The following RIMBP2 variants were observed in gnomAD, a reference collection of about 807,000 sequenced individuals.
RIMBP2 encodes RIMS binding protein 2.
A neutral mutation model predicts 118.6 loss-of-function variants in RIMBP2; 48 were observed. The ratio of observed to expected loss-of-function variants is 0.40; its 90% CI spans 0.32 to 0.51. RIMBP2 has a LOEUF of 0.51. RIMBP2 is among the 20% of genes least tolerant of loss of function. The pLI is 0.41. For missense variants in RIMBP2, 1,551 were observed against 1,768.3 expected (o/e 0.88, Z 2.20); for synonymous variants, 762 against 742.9 (o/e 1.03, Z -0.42).
intron 2 of RIMBP2, among the ~76,000 whole-genome samples, chr12:130,563,978 C>T (rs1355778084): frequency 1.4e-5 from 2 of 141,288 alleles, no homozygotes; most frequent in African/African-American, 5.5e-5. Flanking sequence ...CCCTCGCTCA[C>T]TCCATCTCTA....
chr12:130,709,731 C>G (rs1052940245), intron 1 of RIMBP2, among the ~76,000 whole-genome samples: 15 of 152,218 alleles, frequency 9.9e-5, no homozygotes, highest in African/African-American at 3.4e-4. Flanking sequence ...GAAACCCCCC[C>G]CCTTCCCACC....
In RIMBP2 at chr12:130,397,270, G is replaced by A. The variant is rs1217452565; in HGVS notation, c.*91C>T. ...CTACTGGTGTCAGGGGAGAAGATTGGGTTTTTTTAGGAAGTACTTGAGTCA... is the reference window on the plus strand; with the variant it reads ...CTACTGGTGTCAGGGGAGAAGATTGAGTTTTTTTAGGAAGTACTTGAGTCA... On this transcript the variant is annotated 3_prime_UTR_variant, in exon 23 of 23. Coordinates refer to ENST00000690449, the MANE Select transcript of RIMBP2 (RefSeq NM_001393629.1). 5.0e-6 allele frequency: 2 copies of A among 396,394 alleles called. No homozygotes were observed. The highest frequency in any genetic ancestry group is 4.4e-5 in the Admixed American group (1 of 22,678). The allele number at this position is 396,394 out of a possible 1,614,324, so 24.6% of individuals were successfully genotyped here.
intron 2 of RIMBP2, among the ~76,000 whole-genome samples, chr12:130,592,021 C>T (rs1300347618): frequency 1.3e-5 from 2 of 152,200 alleles, no homozygotes; most frequent in Non-Finnish European, 2.9e-5. Flanking sequence ...AAACTCTCAG[C>T]GTCTGCAGGA....
At chr12:130,638,601 A>G (rs968087116) in intron 1 of RIMBP2, among the ~76,000 whole-genome samples, 4 of 152,140 alleles carry the variant, frequency 2.6e-5, no homozygotes, top group East Asian at 1.9e-4. Context: ...TCTGGGCTGC[A>G]TGCTCCTTAT....
intron 2 of RIMBP2, among the ~76,000 whole-genome samples, chr12:130,590,109 G>A (rs1254270703): frequency 1.3e-5 from 2 of 152,034 alleles, no homozygotes; most frequent in African/African-American, 4.8e-5. Flanking sequence ...TCCTGCAGAC[G>A]CTTCTACACC....
chr12:130,635,230 A>C (rs2062280386), intron 1 of RIMBP2, among the ~76,000 whole-genome samples: 2 of 152,126 alleles, frequency 1.3e-5, no homozygotes, highest in Non-Finnish European at 2.9e-5. Context: ...GAAAAACCAC[A>C]AGCCAGGCGG....
At chr12:130,468,584 T>G (rs11060918) in intron 6 of RIMBP2, among the ~76,000 whole-genome samples, 3,184 of 152,068 alleles carry the variant, frequency 0.021, 93 homozygotes, top group East Asian at 0.16. Context: ...CCCAGGGGAA[T>G]AGCAAGGGGG....
rs140191318 is a variant in RIMBP2, at chr12:130,543,704, G to C, written c.-216-25787C>G. 1.6e-3 allele frequency among the ~76,000 whole-genome samples: 242 copies of C among 151,610 alleles called. 2 individuals are homozygous for C. Among genetic ancestry groups the C allele is most frequent in the African/African-American group, 5.6e-3 (232 of 41,302 alleles). On this transcript the variant is annotated intron_variant, in intron 2 of 22. Coordinates refer to ENST00000690449, the MANE Select transcript of RIMBP2 (RefSeq NM_001393629.1). ...CAGGAACCCAACGAGACAGCACAATGACACCACATGAATTTGGCCACATCA... is the reference window on the plus strand; with the variant it reads ...CAGGAACCCAACGAGACAGCACAATCACACCACATGAATTTGGCCACATCA...
chr12:130,485,679 G>A (rs921231249), intron 4 of RIMBP2, among the ~76,000 whole-genome samples: 5 of 152,192 alleles, frequency 3.3e-5, no homozygotes, highest in Non-Finnish European at 5.9e-5. Flanking sequence ...CGAGAGGAGG[G>A]TGCCACCTTC....
At chr12:130,456,820 GTGT>G (rs2079495231) in intron 6 of RIMBP2, 120 bp from the exon 7 acceptor site, 4 of 698,654 alleles carry the variant, frequency 5.7e-6, no homozygotes, top group South Asian at 1.9e-5. Flanking sequence ...GTGTACACAC[GTGT>G]TGTGTCTGTG....
intron 1 of RIMBP2, among the ~76,000 whole-genome samples, chr12:130,638,346 T>C (rs913964546): frequency 1.3e-5 from 2 of 152,226 alleles, no homozygotes; most frequent in African/African-American, 4.8e-5. Flanking sequence ...GGAGCCTTCA[T>C]TGCACATCAC....
intron 17 of RIMBP2, among the ~76,000 whole-genome samples, chr12:130,418,102 T>C (rs1593226375): frequency 6.6e-6 from 1 of 152,222 alleles, no homozygotes; most frequent in Non-Finnish European, 1.5e-5. Flanking sequence ...CCGTTTGGCC[T>C]CTTTCACCAG....
chr12:130,666,034 G>C (rs539528553), intron 1 of RIMBP2, among the ~76,000 whole-genome samples: 1 of 152,164 alleles, frequency 6.6e-6, no homozygotes. Flanking sequence ...GAAAGACAAA[G>C]CTAACAGGAC....
chr12:130,630,059 A>G (rs1391460890), intron 1 of RIMBP2, among the ~76,000 whole-genome samples: 5 of 151,826 alleles, frequency 3.3e-5, no homozygotes, highest in African/African-American at 7.2e-5. Context: ...AAAAAGACCA[A>G]TGAAGGACAA....
chr12:130,538,182 T>G (rs2054242970), intron 2 of RIMBP2, among the ~76,000 whole-genome samples: 1 of 152,136 alleles, frequency 6.6e-6, no homozygotes, highest in African/African-American at 2.4e-5. Context: ...TACTGAATAG[T>G]GTCATTAGGA....
At position 130,424,968 on chromosome 12, in the gene RIMBP2, G is replaced by C; in HGVS notation, c.2413-110C>G. On this transcript the variant is annotated intron_variant, in intron 15 of 22. Coordinates refer to ENST00000690449, the MANE Select transcript of RIMBP2 (RefSeq NM_001393629.1). This position sits in a 1 kb window ranked among gnomAD's most constrained non-coding sequence, Gnocchi z 9.8. ...AGACAGAATTAGTCCTGGAGGCACC[G>C]AGGGGGGGGAAGCATGCGTCTACTC... 1 of 570,570 alleles carries C rather than the reference G, an allele frequency of 1.8e-6. No homozygotes were observed. Among genetic ancestry groups the C allele is most frequent in the Non-Finnish European group, 2.6e-6 (1 of 385,044 alleles). 35.3% of individuals were successfully genotyped at this position (570,570 alleles called of 1,614,324 possible). A position where few individuals can be genotyped will look rare whatever the true frequency, so the allele number is the denominator to read the frequency against.
chr12:130,474,276 A>G (rs7977221), intron 5 of RIMBP2, among the ~76,000 whole-genome samples: 12,766 of 152,044 alleles, frequency 0.084, 590 homozygotes, highest in Middle Eastern at 0.13. Flanking sequence ...CTATTCATTG[A>G]TTCCCTCCAC....
chr12:130,573,076 C>T (rs1458269834), intron 2 of RIMBP2, among the ~76,000 whole-genome samples: 1 of 152,170 alleles, frequency 6.6e-6, no homozygotes, highest in Non-Finnish European at 1.5e-5. Flanking sequence ...AAAACGTGGT[C>T]AGACCACAAA....
rs149863208 is a variant in RIMBP2, at chr12:130,455,115, G to A, written c.358+1381C>T. ...GGGTTTCCCAGAGCAGAAGCCGTGC[G>A]TTTCTTGTCGCACGGAGTGGGGCTC... On this transcript the variant is annotated intron_variant, in intron 7 of 22. Transcript: ENST00000690449. Among the ~76,000 whole-genome samples the A allele has an allele frequency of 4.9e-3, 747 of 152,354 alleles. 8 individuals carry two copies. Among genetic ancestry groups the A allele is most frequent in the African/African-American group, 0.017 (710 of 41,576 alleles).
Sources: gnomAD v4.1 joint callset for allele counts (sites outside exome capture counted in the v4.1 genomes callset) on GRCh38, gnomAD v4.1.1 for gene constraint, Gnocchi (gnomAD v3.1) non-coding constraint, MANE v1.5 for transcripts, NCBI Gene and HGNC (gene_info 2026-07-23, HGNC 2026-07-21) for gene names.